Variants in ARHGEF28 observed in about 807,000 individuals in gnomAD.
The protein encoded by ARHGEF28 is Rho guanine nucleotide exchange factor 28.
ARHGEF28 carries 152 observed loss-of-function variants against 206.6 expected under a neutral mutation model. That is an observed-to-expected ratio of 0.74 (90% CI 0.64 to 0.84). ARHGEF28 has a LOEUF of 0.84. Ranked by LOEUF, ARHGEF28 falls within the 40% of genes least tolerant of loss-of-function variation. The probability of loss-of-function intolerance (pLI) is 0.00; values close to 1 mark genes in which losing one functional copy is unlikely to be tolerated. For synonymous variants in ARHGEF28, 763 were observed against 776.4 expected, an observed-to-expected ratio of 0.98 and a Z score of 0.29; for missense variants, 2,028 against 2,073.2, an observed-to-expected ratio of 0.98 and a Z score of 0.42.
At position 73,941,577 on chromosome 5, in the gene ARHGEF28, G is replaced by T. The variant is rs1435709190; in HGVS notation, c.*564G>T. 4.1e-4 allele frequency: 62 copies of T among 152,430 alleles called. No homozygotes were observed. The highest frequency in any genetic ancestry group is 4.1e-3 in the Admixed American group (62 of 15,296). The allele number at this position is 152,430 out of a possible 1,614,324, so 9.4% of individuals were successfully genotyped here. Reference sequence around the variant, plus strand: ...GTGATTGGTCAGTCACTGAGCCAGGGATACAGTCCGGACTTGCTTAGTACC... The same window carrying T: ...GTGATTGGTCAGTCACTGAGCCAGGTATACAGTCCGGACTTGCTTAGTACC... On this transcript the variant is annotated 3_prime_UTR_variant, in exon 36 of 36. Coordinates refer to ENST00000513042, the MANE Select transcript of ARHGEF28 (RefSeq NM_001177693.2).
chr5:73,699,153 G>C (rs890512811), intron 2 of ARHGEF28, among the ~76,000 whole-genome samples: 2 of 150,656 alleles, frequency 1.3e-5, no homozygotes, highest in Non-Finnish European at 3.0e-5. Context: ...CCCTAGAGCT[G>C]TGTGTGTGTG....
intron 10 of ARHGEF28, among the ~76,000 whole-genome samples, chr5:73,833,016 T>A (rs888111431): frequency 8.5e-5 from 13 of 152,238 alleles, no homozygotes; most frequent in Admixed American, 3.9e-4. Context: ...ACCCAGTCCC[T>A]GATAGAGACT....
Position 73,873,147 on chromosome 5 carries a change from G to A in ARHGEF28, c.2715G>A (p.Arg905=). ...PCLDELLEIH[R]HFFYSMKERR... Reference sequence around the variant, plus strand: ...TAGATGAGTTGCTTGAAATCCACAGGCATTTCTTCTACAGTATGAAGGAAC... The same window carrying A: ...TAGATGAGTTGCTTGAAATCCACAGACATTTCTTCTACAGTATGAAGGAAC... The change falls in exon 22 of 36, where the codon AGG becomes AGA. Residue 905 remains arginine, a synonymous_variant. Transcript: ENST00000513042. 6.2e-7 allele frequency: 1 copy of A among 1,612,756 alleles called. No homozygotes were observed. Among genetic ancestry groups the A allele is most frequent in the Non-Finnish European group, 8.5e-7 (1 of 1,179,428 alleles).
intron 1 of ARHGEF28, among the ~76,000 whole-genome samples, chr5:73,646,164 T>A (rs1265915714): frequency 6.6e-6 from 1 of 152,178 alleles, no homozygotes; most frequent in Non-Finnish European, 1.5e-5. Context: ...ATCTCCCTCT[T>A]CTTTATTCCC....
intron 35 of ARHGEF28, among the ~76,000 whole-genome samples, chr5:73,917,743 T>C (rs574401832): frequency 1.1e-4 from 17 of 152,366 alleles, no homozygotes; most frequent in African/African-American, 4.1e-4. Flanking sequence ...ATGGTGTGAA[T>C]GCTCCAGAGA....
chr5:73,675,875 A>G (rs1005438129), intron 1 of ARHGEF28, among the ~76,000 whole-genome samples: 3 of 103,928 alleles, frequency 2.9e-5, no homozygotes, highest in Admixed American at 9.0e-5. Flanking sequence ...GTCTTATGCA[A>G]TTTTCTAACT....
intron 1 of ARHGEF28, among the ~76,000 whole-genome samples, chr5:73,655,633 A>C (rs1218722640): frequency 6.6e-6 from 1 of 152,200 alleles, no homozygotes; most frequent in Non-Finnish European, 1.5e-5. Flanking sequence ...GTGTGTAGGC[A>C]GTGGAAAATA....
chr5:73,677,169 C>A (rs903190556), intron 1 of ARHGEF28, among the ~76,000 whole-genome samples: 1 of 152,096 alleles, frequency 6.6e-6, no homozygotes, highest in Non-Finnish European at 1.5e-5. Flanking sequence ...CAGTTGCTTG[C>A]GTAAGCTTTA....
intron 4 of ARHGEF28, among the ~76,000 whole-genome samples, chr5:73,755,439 C>A (rs563603766): frequency 6.6e-6 from 1 of 152,156 alleles, no homozygotes; most frequent in African/African-American, 2.4e-5. Flanking sequence ...CCTCCCCAGG[C>A]CAGCAAGTCT....
intron 10 of ARHGEF28, among the ~76,000 whole-genome samples, chr5:73,833,895 A>G (rs1469157784): frequency 6.6e-6 from 1 of 152,146 alleles, no homozygotes; most frequent in Non-Finnish European, 1.5e-5. Context: ...ACCACCCCCC[A>G]TGATTCAATT....
chr5:73,658,159 T>G (rs1056929270), intron 1 of ARHGEF28, among the ~76,000 whole-genome samples: 3 of 151,318 alleles, frequency 2.0e-5, no homozygotes, highest in Admixed American at 1.3e-4. Flanking sequence ...AAAAACTCAA[T>G]TAACAAATCT....
intron 14 of ARHGEF28, 66 bp from the exon 15 acceptor site, chr5:73,857,590 C>CAT: frequency 6.9e-7 from 1 of 1,444,996 alleles, no homozygotes; most frequent in Non-Finnish European, 9.4e-7. Context: ...CACACACATA[C>CAT]ACACACACGT....
At chr5:73,743,590 G>A (rs1300497822) in intron 2 of ARHGEF28, among the ~76,000 whole-genome samples, 1 of 152,080 alleles carries the variant, frequency 6.6e-6, no homozygotes, top group Admixed American at 6.5e-5. Flanking sequence ...TACGTGAATG[G>A]GACAATACAT....
chr5:73,839,454 C>T (rs1327810384), intron 10 of ARHGEF28, among the ~76,000 whole-genome samples: 1 of 152,112 alleles, frequency 6.6e-6, no homozygotes, highest in Non-Finnish European at 1.5e-5. Flanking sequence ...GTGTTACTGT[C>T]TTCATTTTTA....
At chr5:73,748,293 C>A (rs746502165) in intron 2 of ARHGEF28, among the ~76,000 whole-genome samples, 3 of 152,154 alleles carry the variant, frequency 2.0e-5, no homozygotes, top group Non-Finnish European at 4.4e-5. Flanking sequence ...TGTGCACATA[C>A]ACACGCATGC....
chr5:73,731,209 G>A (rs867293939), intron 2 of ARHGEF28, among the ~76,000 whole-genome samples: 24 of 152,124 alleles, frequency 1.6e-4, no homozygotes, highest in Middle Eastern at 3.4e-3. Flanking sequence ...TTCATTATGT[G>A]GTCAAAAGGT....
chr5:73,889,046 T>C (rs1438408081), intron 26 of ARHGEF28, among the ~76,000 whole-genome samples: 1 of 152,234 alleles, frequency 6.6e-6, no homozygotes, highest in African/African-American at 2.4e-5. Context: ...CTACTGTTCA[T>C]ACACTCCTGA....
chr5:73,776,389 G>A (rs554141221), intron 5 of ARHGEF28, 127 bp from the exon 6 acceptor site: 105 of 727,214 alleles, frequency 1.4e-4, no homozygotes, highest in East Asian at 2.6e-4. Context: ...TTTATTGCAC[G>A]TAGGTGACTT....
chr5:73,898,340 G>A, intron 30 of ARHGEF28: 1 of 280,990 alleles, frequency 3.6e-6, no homozygotes. Context: ...CTGTTTGCCG[G>A]CCAAATATCG....
Sources: allele counts gnomAD v4.1 joint callset (sites outside exome capture counted in the v4.1 genomes callset), GRCh38; gene constraint gnomAD v4.1.1; transcripts MANE v1.5; gene names NCBI Gene and HGNC (gene_info 2026-07-23, HGNC 2026-07-21).